The following ZNF609 variants were observed in gnomAD, a reference collection of about 807,000 sequenced individuals.
ZNF609 encodes the protein zinc finger protein 609.
A neutral mutation model predicts 109.5 loss-of-function variants in ZNF609; 11 were observed. That is an observed-to-expected ratio of 0.10 (90% CI 0.06 to 0.17). The LOEUF (loss-of-function observed/expected upper bound fraction) is 0.17, where lower values mean the gene tolerates loss of function less well. Ranked by LOEUF, ZNF609 falls within the 10% of genes least tolerant of loss-of-function variation. ZNF609 has a pLI of 1.00. For missense variants in ZNF609, 1,559 were observed against 1,772.4 expected, an observed-to-expected ratio of 0.88 and a Z score of 2.16; for synonymous variants, 646 against 662.0, an observed-to-expected ratio of 0.98 and a Z score of 0.37.
At chr15:64,588,004 T>A (rs896686741) in intron 2 of ZNF609, among the ~76,000 whole-genome samples, 3 of 151,420 alleles carry the variant, frequency 2.0e-5, no homozygotes, top group African/African-American at 7.3e-5. Flanking sequence ...CCTCCCAAAG[T>A]GCTGAGATAA....
At chr15:64,591,060 A>C (rs748148466) in intron 2 of ZNF609, among the ~76,000 whole-genome samples, 17 of 152,160 alleles carry the variant, frequency 1.1e-4, no homozygotes, top group Non-Finnish European at 2.2e-4. Context: ...AAGGCCGGGC[A>C]TGCTCGTTTA....
intron 1 of ZNF609, among the ~76,000 whole-genome samples, chr15:64,483,674 C>T (rs1217835906): frequency 3.3e-5 from 5 of 152,192 alleles, no homozygotes; most frequent in Admixed American, 2.0e-4. Flanking sequence ...GTGTGAGCCA[C>T]CATGCCCAGC....
At chr15:64,617,508 C>T (rs777103669) in intron 2 of ZNF609, among the ~76,000 whole-genome samples, 9 of 151,316 alleles carry the variant, frequency 5.9e-5, no homozygotes, top group African/African-American at 1.7e-4. Flanking sequence ...AGAGAATTAT[C>T]GCCAGGCATG....
chr15:64,513,837 A>C (rs1474489812), intron 2 of ZNF609, among the ~76,000 whole-genome samples: 1 of 152,158 alleles, frequency 6.6e-6, no homozygotes, highest in African/African-American at 2.4e-5. Flanking sequence ...TACACCTGTA[A>C]TCCCAGCACT....
intron 2 of ZNF609, among the ~76,000 whole-genome samples, chr15:64,591,118 T>G (rs1297069688): frequency 6.6e-6 from 1 of 151,482 alleles, no homozygotes; most frequent in Non-Finnish European, 1.5e-5. Flanking sequence ...GAGGATTGCT[T>G]GAGCCCAGGA....
At chr15:64,646,865 G>C (rs1233390697) in intron 3 of ZNF609, among the ~76,000 whole-genome samples, 2 of 150,078 alleles carry the variant, frequency 1.3e-5, no homozygotes, top group African/African-American at 4.9e-5. Context: ...GCTTGAACCT[G>C]GGAGGCAGAG....
At chr15:64,570,205 T>C (rs1196014799) in intron 2 of ZNF609, among the ~76,000 whole-genome samples, 2 of 152,018 alleles carry the variant, frequency 1.3e-5, no homozygotes, top group Admixed American at 1.3e-4. Context: ...GCATAGTGAG[T>C]TTTAGCAAGC....
At chr15:64,497,439 C>G (rs1243439805) in intron 1 of ZNF609, among the ~76,000 whole-genome samples, 1 of 152,138 alleles carries the variant, frequency 6.6e-6, no homozygotes, top group African/African-American at 2.4e-5. Context: ...TTTCTTGCCC[C>G]TACACCCTAG....
At chr15:64,609,100 C>CTT (rs1222504453) in intron 2 of ZNF609, among the ~76,000 whole-genome samples, 11 of 33,146 alleles carry the variant, frequency 3.3e-4, no homozygotes, top group Non-Finnish European at 8.9e-4. Context: ...TTCTTTCTTT[C>CTT]TTTCTTTCTT....
At chr15:64,508,931 C>T (rs747515446) in intron 2 of ZNF609, among the ~76,000 whole-genome samples, 20 of 151,994 alleles carry the variant, frequency 1.3e-4, no homozygotes, top group Non-Finnish European at 1.8e-4. Context: ...TAACTTCAAG[C>T]GATCCTCCTG....
intron 2 of ZNF609, 23 bp from the exon 3 acceptor site, chr15:64,622,804 A>G (rs1895896736): frequency 1.3e-6 from 2 of 1,598,776 alleles, no homozygotes; most frequent in Non-Finnish European, 1.7e-6. Context: ...CAACTCAGCT[A>G]CTACTTTTTC....
chr15:64,584,981 G>GA (rs1282503601), intron 2 of ZNF609, among the ~76,000 whole-genome samples: 88 of 134,300 alleles, frequency 6.6e-4, no homozygotes, highest in Non-Finnish European at 6.8e-4. Flanking sequence ...TAAGAAAAAA[G>GA]AAAAAAAAAA....
chr15:64,568,096 T>G (rs1023306843), intron 2 of ZNF609, among the ~76,000 whole-genome samples: 2 of 152,220 alleles, frequency 1.3e-5, no homozygotes, highest in East Asian at 1.9e-4. Context: ...ATATATGTGA[T>G]TGTATTTGTT....
At chr15:64,483,095 C>CT (rs955406210) in intron 1 of ZNF609, among the ~76,000 whole-genome samples, 35 of 146,402 alleles carry the variant, frequency 2.4e-4, no homozygotes, top group Middle Eastern at 3.5e-3. Context: ...TTTTTTCTTT[C>CT]TTTTTTTTTT....
Position 64,519,069 on chromosome 15 carries a change from A to T in ZNF609, c.747+18903A>T, listed in dbSNP as rs371958224. On this transcript the variant is annotated intron_variant, in intron 2 of 9. Coordinates refer to ENST00000326648, the MANE Select transcript of ZNF609 (RefSeq NM_015042.2). ...AAATTATAAAAGTGAAAGTTATAGG[A>T]TGCTGAGAGCCTATAATTAGGAACT... Among the ~76,000 whole-genome samples the T allele has an allele frequency of 4.7e-5, 6 of 126,926 alleles. No individual in the cohort carries two copies. The South Asian group carries it at 7.7e-4, about 16-fold the overall frequency. 83.3% of individuals were successfully genotyped at this position (126,926 alleles called of 152,430 possible). A position where few individuals can be genotyped will look rare whatever the true frequency, so the allele number is the denominator to read the frequency against.
chr15:64,510,387 A>G (rs1893706831), intron 2 of ZNF609, among the ~76,000 whole-genome samples: 2 of 151,350 alleles, frequency 1.3e-5, no homozygotes, highest in South Asian at 4.2e-4. Context: ...AATTTTTTTT[A>G]TACAGTTGGG....
At chr15:64,555,461 C>A (rs577039541) in intron 2 of ZNF609, among the ~76,000 whole-genome samples, 31 of 151,716 alleles carry the variant, frequency 2.0e-4, no homozygotes, top group Non-Finnish European at 3.8e-4. Flanking sequence ...GCCAGGAGTT[C>A]GAGGCCAGCC....
At chr15:64,609,070 T>TTCTTTC (rs1480014200) in intron 2 of ZNF609, among the ~76,000 whole-genome samples, 260 of 29,626 alleles carry the variant, frequency 8.8e-3, no homozygotes, top group African/African-American at 0.02. Flanking sequence ...TAATTTTTCT[T>TTCTTTC]TCTTTCTTTC....
intron 1 of ZNF609, among the ~76,000 whole-genome samples, chr15:64,494,862 A>C (rs534868188): frequency 3.9e-5 from 6 of 152,206 alleles, no homozygotes; most frequent in Non-Finnish European, 8.8e-5. Context: ...GTCTTCCTTC[A>C]GTGTTCTCCT....
Sources: allele counts gnomAD v4.1 joint callset (sites outside exome capture counted in the v4.1 genomes callset), GRCh38; gene constraint gnomAD v4.1.1; transcripts MANE v1.5; gene names NCBI Gene and HGNC (gene_info 2026-07-23, HGNC 2026-07-21).